The following DHX16 variants were observed in gnomAD, a reference collection of about 807,000 sequenced individuals.
The protein encoded by DHX16 is pre-mRNA-splicing factor ATP-dependent RNA helicase DHX16.
Under a neutral mutation model 131.2 loss-of-function variants are expected in DHX16, and 81 were observed. The ratio of observed to expected loss-of-function variants is 0.62; its 90% CI spans 0.52 to 0.74. The LOEUF (loss-of-function observed/expected upper bound fraction) is 0.74. DHX16 is among the 30% of genes least tolerant of loss of function. The pLI is 0.00. For missense variants in DHX16, 980 were observed against 1,363.1 expected, an observed-to-expected ratio of 0.72 and a Z score of 4.43; for synonymous variants, 440 against 520.2, an observed-to-expected ratio of 0.85 and a Z score of 2.10.
At chr6:30,668,761 G>C (rs1298719450) in intron 4 of DHX16, among the ~76,000 whole-genome samples, 1 of 152,128 alleles carries the variant, frequency 6.6e-6, no homozygotes, top group African/African-American at 2.4e-5. Flanking sequence ...GAAGAGATAT[G>C]AGATAAATTG....
In DHX16 at chr6:30,656,536, A is replaced by G; in HGVS notation, c.2312-27T>C. The G allele has an allele frequency of 6.2e-7, 1 of 1,613,980 alleles. No individual in the cohort carries two copies. The highest frequency in any genetic ancestry group is 8.5e-7 in the Non-Finnish European group (1 of 1,179,832). ...TAGAAAGAGGTGTGATGGATGGAAC[A>G]GAGTCCCTTCAAAGGACAGTGACTC... On this transcript the variant is annotated intron_variant, in intron 14 of 19. Coordinates refer to ENST00000376442, the MANE Select transcript of DHX16 (RefSeq NM_003587.5). This position sits in a 1 kb window ranked among gnomAD's most constrained non-coding sequence, Gnocchi z 5.1.
At chr6:30,660,331 G>A in intron 9 of DHX16, 89 bp from the exon 10 acceptor site, 2 of 1,094,988 alleles carry the variant, frequency 1.8e-6, no homozygotes, top group East Asian at 2.6e-5. Context: ...GGGGAGTAAT[G>A]GACACAAAGA....
In DHX16 at chr6:30,670,859, G is replaced by A. The variant is rs771115814; in HGVS notation, c.540C>T (p.Ala180=). 6.2e-7 allele frequency: 1 copy of A among 1,613,038 alleles called. No individual in the cohort carries two copies. Among genetic ancestry groups the A allele is most frequent in the East Asian group, 2.2e-5 (1 of 44,884 alleles). The change falls in exon 3 of 20, where the codon GCC becomes GCT. Residue 180 remains alanine, a synonymous_variant. Transcript: ENST00000376442. This position sits in a 1 kb window ranked among gnomAD's most constrained non-coding sequence, Gnocchi z 4.4. ...ERLQDLEERD[A]FAERVRQRDK... is the part of the protein sequence containing the mutation. ...CCCGCTGTCGAACCCGCTCAGCAAA[G>A]GCATCACGCTCCTCCAGGTCCTGAA...
In DHX16 at chr6:30,655,243, C is replaced by T; in HGVS notation, c.2755G>A (p.Glu919Lys). Residue 919 changes from glutamate to lysine, a missense_variant, in exon 18 of 20, where the codon GAA becomes AAA. Transcript: ENST00000376442. Reference sequence around the variant, plus strand: ...ACTTCCACACGTTCCAAGAGCCCTTCCAGCTGTTCCCGCACATCCCGGGCT... The same window carrying T: ...ACTTCCACACGTTCCAAGAGCCCTTTCAGCTGTTCCCGCACATCCCGGGCT... ...RRARDVREQL[E>K]GLLERVEVGL... 6.2e-7 allele frequency: 1 copy of T among 1,614,204 alleles called. No individual in the cohort carries two copies. The highest frequency in any genetic ancestry group is 8.5e-7 in the Non-Finnish European group (1 of 1,180,044).
rs1360203423 is a variant in DHX16 at position 30,670,506 on chromosome 6, G to C, written c.610-40C>G. ...AAGAATGGAGGGGTGTGAGGCCAAA[G>C]AGCCCCCACACTGACAGCTGCTCCC... On this transcript the variant is annotated intron_variant, in intron 3 of 19. Transcript: ENST00000376442. This position sits in a 1 kb window ranked among gnomAD's most constrained non-coding sequence, Gnocchi z 4.4. The C allele has an allele frequency of 1.3e-6, 2 of 1,592,408 alleles. No individual in the cohort carries two copies. Among genetic ancestry groups the C allele is most frequent in the East Asian group, 2.2e-5 (1 of 44,584 alleles).
Position 30,672,797 on chromosome 6 carries a change from C to T in DHX16, c.45G>A (p.Leu15=). The stretch of plus-strand genomic sequence containing the variant: ...GCTCGCTCAGCCCCAACACCGAGTG[C>T]AGCTCGTCCTGAACCCAGCGCTCCA... The part of the protein sequence containing the change: ...AGLERWVQDE[L]HSVLGLSERH... The change falls in exon 1 of 20, where the codon CTG becomes CTA. Residue 15 remains leucine, a synonymous_variant. Coordinates refer to ENST00000376442, the MANE Select transcript of DHX16 (RefSeq NM_003587.5). 1 of 1,612,958 alleles carries T rather than the reference C, an allele frequency of 6.2e-7. No homozygotes were observed. Among genetic ancestry groups the T allele is most frequent in the Non-Finnish European group, 8.5e-7 (1 of 1,180,038 alleles).
rs1186930954 is a variant in DHX16 at position 30,672,929 on chromosome 6, G to A, written c.-88C>T. On this transcript the variant is annotated 5_prime_UTR_variant, in exon 1 of 20. Transcript: ENST00000376442. Reference sequence around the variant, plus strand: ...GGTCAGAGGCCTGGAGCCCTCGGCTGGAGCCTCAGCTTCGCAAGTCAGCTA... The same window carrying A: ...GGTCAGAGGCCTGGAGCCCTCGGCTAGAGCCTCAGCTTCGCAAGTCAGCTA... 2.5e-6 allele frequency: 4 copies of A among 1,570,354 alleles called. No individual in the cohort carries two copies. Among genetic ancestry groups the A allele is most frequent in the East Asian group, 4.8e-5 (2 of 41,714 alleles).
Position 30,672,953 on chromosome 6 carries a change from T to C in DHX16, c.-112A>G. Reference sequence around the variant, plus strand: ...TGGAGCCTCAGCTTCGCAAGTCAGCTACCTTGGGACCTCTAGGATCTTCCG... The same window carrying C: ...TGGAGCCTCAGCTTCGCAAGTCAGCCACCTTGGGACCTCTAGGATCTTCCG... On this transcript the variant is annotated 5_prime_UTR_variant, in exon 1 of 20. Coordinates refer to ENST00000376442, the MANE Select transcript of DHX16 (RefSeq NM_003587.5). 6.4e-7 allele frequency: 1 copy of C among 1,555,838 alleles called. No homozygotes were observed. Among genetic ancestry groups the C allele is most frequent in the Non-Finnish European group, 8.7e-7 (1 of 1,149,240 alleles).
chr6:30,655,814 C>T (rs915927548), intron 16 of DHX16, among the ~76,000 whole-genome samples: 1 of 152,090 alleles, frequency 6.6e-6, no homozygotes, highest in Admixed American at 6.6e-5. Flanking sequence ...GGAGGGACAT[C>T]CATGGAGGCA....
Position 30,665,343 on chromosome 6 carries a change from T to C in DHX16, c.922-69A>G. 6.3e-7 allele frequency: 1 copy of C among 1,590,370 alleles called. No individual in the cohort carries two copies. ...CTCTCTGCCCTCTCCCCTCTTCCCA[T>C]TACTACCCCCGCCCACTGCCCATTG... On this transcript the variant is annotated intron_variant, in intron 5 of 19. Coordinates refer to ENST00000376442, the MANE Select transcript of DHX16 (RefSeq NM_003587.5). This position sits in a 1 kb window ranked among gnomAD's most constrained non-coding sequence, Gnocchi z 4.8.
At position 30,656,142 on chromosome 6, in the gene DHX16, C is replaced by T; in HGVS notation, c.2498+56G>A. On this transcript the variant is annotated intron_variant, in intron 16 of 19. Transcript: ENST00000376442. This position sits in a 1 kb window ranked among gnomAD's most constrained non-coding sequence, Gnocchi z 5.1. ...AGACAGACAAAGGGGACCCTGGAGA[C>T]AGAGGAGGCCTGGCCTGTTTGTGTG... The T allele has an allele frequency of 6.5e-7, 1 of 1,540,444 alleles. No homozygotes were observed.
Position 30,670,493 on chromosome 6 carries a change from G to A in DHX16, c.610-27C>T, listed in dbSNP as rs1432264607. On this transcript the variant is annotated intron_variant, in intron 3 of 19. Coordinates refer to ENST00000376442, the MANE Select transcript of DHX16 (RefSeq NM_003587.5). This position sits in a 1 kb window ranked among gnomAD's most constrained non-coding sequence, Gnocchi z 4.4. ...TAGAAGAAAAAACAAGAATGGAGGG[G>A]TGTGAGGCCAAAGAGCCCCCACACT... is the stretch of plus-strand genomic sequence containing the variant. 13 of 1,606,188 alleles carry A rather than the reference G, an allele frequency of 8.1e-6. No homozygotes were observed. The East Asian group carries it at 2.7e-4, about 33-fold the overall frequency.
intron 19 of DHX16, 32 bp from the exon 20 acceptor site, chr6:30,653,402 T>G (rs367754684): frequency 1.9e-6 from 3 of 1,567,544 alleles, no homozygotes; most frequent in African/African-American, 1.4e-5. Flanking sequence ...TGGAGTTCCC[T>G]TCTTTCCAAC....
chr6:30,660,640 G>A (rs2127584154), intron 9 of DHX16: 1 of 171,198 alleles, frequency 5.8e-6, no homozygotes, highest in Non-Finnish European at 1.2e-5. Context: ...CAGCACCTTG[G>A]GAGGCCGAGG....
chr6:30,661,358 C>T (rs1042907361), intron 9 of DHX16, among the ~76,000 whole-genome samples: 2 of 152,152 alleles, frequency 1.3e-5, no homozygotes, highest in Admixed American at 6.6e-5. Context: ...GCTGGGATTA[C>T]AGGCGTGAGC....
intron 7 of DHX16, 29 bp downstream of exon 7, chr6:30,664,772 T>C (rs1768851970): frequency 1.9e-6 from 3 of 1,589,800 alleles, no homozygotes; most frequent in Admixed American, 1.7e-5. Context: ...CCAGGTGCCC[T>C]GGCAAGCTGA....
chr6:30,659,300 CTT>C (rs1469921301), intron 12 of DHX16, among the ~76,000 whole-genome samples, 170 bp downstream of exon 12: 3 of 152,244 alleles, frequency 2.0e-5, no homozygotes, highest in African/African-American at 7.2e-5. Context: ...TTGGCTCTCT[CTT>C]GGTTCACACC....
chr6:30,653,918 G>A (rs1767707037), intron 19 of DHX16, among the ~76,000 whole-genome samples: 3 of 151,390 alleles, frequency 2.0e-5, no homozygotes, highest in African/African-American at 4.9e-5. Flanking sequence ...TCAGGAGTTC[G>A]AGATCAGCCT....
At position 30,660,090 on chromosome 6, in the gene DHX16, T is replaced by C. The variant is rs9262138; in HGVS notation, c.1697A>G (p.Asp566Gly). 0.054 allele frequency: 87,383 copies of C among 1,612,648 alleles called. 2,833 individuals are homozygous for C. The highest frequency in any genetic ancestry group is 0.079 in the Middle Eastern group (479 of 6,058). ...TCCGGGGATTCGAAACACAGGGGCG[T>C]CATCAAAGAAGGTGGAAAAACGGGC... Reference protein sequence around the residue: ...DTARFSTFFDDAPVFRIPGRR... With the variant: ...DTARFSTFFDGAPVFRIPGRR... Residue 566 changes from aspartate (D) to glycine (G), a missense_variant, in exon 10 of 20, where the codon GAC (aspartate) becomes GGC (glycine). By Grantham distance (94) the Asp-to-Gly change is moderately conservative. Coordinates refer to ENST00000376442, the MANE Select transcript of DHX16 (RefSeq NM_003587.5).
Sources: allele counts gnomAD v4.1 joint callset (sites outside exome capture counted in the v4.1 genomes callset), GRCh38; gene constraint gnomAD v4.1.1; non-coding constraint Gnocchi (gnomAD v3.1); transcripts MANE v1.5; gene names NCBI Gene and HGNC (gene_info 2026-07-23, HGNC 2026-07-21).